Variants in EPHB2 observed in about 807,000 individuals in gnomAD.
EPHB2 encodes EPH receptor B2.
In EPHB2, 18 loss-of-function variants were observed where a neutral mutation model predicts 96.4. The observed-to-expected ratio is 0.19, with a 90% CI of 0.13 to 0.28. The LOEUF (loss-of-function observed/expected upper bound fraction) is 0.28. EPHB2 is among the 10% of genes least tolerant of loss of function. EPHB2 has a pLI of 1.00. For missense variants in EPHB2, 989 were observed against 1,355.4 expected, an observed-to-expected ratio of 0.73 and a Z score of 4.25; for synonymous variants, 506 against 534.1, an observed-to-expected ratio of 0.95 and a Z score of 0.72.
At chr1:22,842,784 C>T (rs1315091723) in intron 3 of EPHB2, among the ~76,000 whole-genome samples, 1 of 152,050 alleles carries the variant, frequency 6.6e-6, no homozygotes, top group Non-Finnish European at 1.5e-5. Context: ...TGAGGAAGAG[C>T]CTTTGTACAT....
chr1:22,877,910 G>C (rs888411177), intron 5 of EPHB2, among the ~76,000 whole-genome samples: 1 of 152,222 alleles, frequency 6.6e-6, no homozygotes, highest in Non-Finnish European at 1.5e-5. Context: ...GAATCTCAGT[G>C]GGGGGTGTTG....
intron 12 of EPHB2, 38 bp downstream of exon 12, chr1:22,908,206 A>G (rs1639978826): frequency 6.2e-7 from 1 of 1,611,290 alleles, no homozygotes; most frequent in Admixed American, 1.7e-5. Context: ...TCACAGAGCC[A>G]GAGAAGAGGG....
rs2124177751 is a variant in EPHB2, at chr1:22,918,997, A to G, written c.*5427A>G. 6.6e-6 allele frequency: 1 copy of G among 152,318 alleles called. No individual in the cohort carries two copies. The highest frequency in any genetic ancestry group is 6.5e-5 in the Admixed American group (1 of 15,298). The allele number at this position is 152,318 out of a possible 1,614,324, so 9.4% of individuals were successfully genotyped here. ...CCTGGGATTTCTCAAAATGTTTGCC[A>G]TCGCCCACCTGTATCAGAATCTCCT... On this transcript the variant is annotated 3_prime_UTR_variant, in exon 16 of 16. Coordinates refer to ENST00000374630, the MANE Select transcript of EPHB2 (RefSeq NM_017449.5). This position sits in a 1 kb window ranked among gnomAD's most constrained non-coding sequence, Gnocchi z 4.2.
At chr1:22,862,905 T>G in intron 3 of EPHB2, 132 bp from the exon 4 acceptor site, 207 of 1,207,742 alleles carry the variant, frequency 1.7e-4, no homozygotes, top group Middle Eastern at 2.7e-4. Flanking sequence ...CTTCAAGAGA[T>G]GAGATTTTCC....
At chr1:22,802,237 T>C (rs1216160661) in intron 3 of EPHB2, among the ~76,000 whole-genome samples, 2 of 152,132 alleles carry the variant, frequency 1.3e-5, no homozygotes, top group South Asian at 2.1e-4. Flanking sequence ...GGTTATTTGG[T>C]TCCCCATTTG....
chr1:22,747,445 T>C (rs1233618563), intron 1 of EPHB2, among the ~76,000 whole-genome samples: 1 of 152,218 alleles, frequency 6.6e-6, no homozygotes, highest in Non-Finnish European at 1.5e-5. Flanking sequence ...ACTAGGCTGT[T>C]CCAGAGATTC....
At chr1:22,816,731 A>C (rs1645080430) in intron 3 of EPHB2, among the ~76,000 whole-genome samples, 1 of 152,136 alleles carries the variant, frequency 6.6e-6, no homozygotes, top group Non-Finnish European at 1.5e-5. Flanking sequence ...CCTGACTCCC[A>C]GGGTGGTCAT....
At chr1:22,877,332 A>C (rs1638874488) in intron 5 of EPHB2, among the ~76,000 whole-genome samples, 1 of 152,208 alleles carries the variant, frequency 6.6e-6, no homozygotes, top group Non-Finnish European at 1.5e-5. Flanking sequence ...TAGGAGCATG[A>C]AGTGAGTTAA....
intron 1 of EPHB2, among the ~76,000 whole-genome samples, chr1:22,755,224 C>T (rs368820162): frequency 2.0e-5 from 3 of 152,046 alleles, no homozygotes; most frequent in East Asian, 3.9e-4. Context: ...CAGATGGCCC[C>T]GGTGAGAAAA....
intron 14 of EPHB2, among the ~76,000 whole-genome samples, chr1:22,911,150 AT>A (rs1189323316): frequency 0.024 from 3,518 of 149,268 alleles, 128 homozygotes; most frequent in African/African-American, 0.084. Context: ...AAAAAAATAA[AT>A]AAATAAATAA....
intron 5 of EPHB2, among the ~76,000 whole-genome samples, chr1:22,866,984 G>T (rs1203486003): frequency 1.3e-5 from 2 of 152,174 alleles, no homozygotes; most frequent in African/African-American, 4.8e-5. Flanking sequence ...TGGTTGAGGG[G>T]TGTTTCCATG....
intron 6 of EPHB2, among the ~76,000 whole-genome samples, chr1:22,889,834 A>AT (rs1407053273): frequency 2.0e-5 from 3 of 152,234 alleles, no homozygotes; most frequent in Non-Finnish European, 4.4e-5. Context: ...TTACATTTGA[A>AT]TTTTTTAAAA....
intron 3 of EPHB2, among the ~76,000 whole-genome samples, chr1:22,859,306 G>GT (rs1645755817): frequency 6.8e-6 from 1 of 146,762 alleles, no homozygotes; most frequent in African/African-American, 2.7e-5. Flanking sequence ...GTGGGGGGGG[G>GT]GGTATTGTAC....
At chr1:22,904,685 G>C (rs552630082) in intron 9 of EPHB2, among the ~76,000 whole-genome samples, 7 of 152,356 alleles carry the variant, frequency 4.6e-5, no homozygotes, top group African/African-American at 1.7e-4. Flanking sequence ...CAACTCTGCT[G>C]TCATAGCTTA....
chr1:22,869,939 C>T (rs1003563779), intron 5 of EPHB2, among the ~76,000 whole-genome samples: 7 of 152,154 alleles, frequency 4.6e-5, no homozygotes, highest in African/African-American at 1.7e-4. Flanking sequence ...GTTTTCCCGG[C>T]ACCTAGAGGG....
At chr1:22,731,652 A>G (rs147608490) in intron 1 of EPHB2, among the ~76,000 whole-genome samples, 1 of 152,176 alleles carries the variant, frequency 6.6e-6, no homozygotes, top group East Asian at 1.9e-4. Context: ...AGCCTGGCCA[A>G]CAGCCTGTCA....
At chr1:22,750,476 C>T (rs149535375) in intron 1 of EPHB2, among the ~76,000 whole-genome samples, 21 of 152,290 alleles carry the variant, frequency 1.4e-4, no homozygotes, top group African/African-American at 4.3e-4. Flanking sequence ...CAGGGGAACA[C>T]GGAAATGGCA....
chr1:22,740,120 C>T (rs1168982050), intron 1 of EPHB2, among the ~76,000 whole-genome samples: 4 of 152,192 alleles, frequency 2.6e-5, no homozygotes, highest in African/African-American at 9.7e-5. Flanking sequence ...TTGTACTCAA[C>T]CTGAGGTCCC....
intron 3 of EPHB2, among the ~76,000 whole-genome samples, chr1:22,796,037 T>C (rs550929613): frequency 6.6e-6 from 1 of 152,284 alleles, no homozygotes; most frequent in East Asian, 1.9e-4. Context: ...TCACTCCTGC[T>C]AAGGTGGAAG....
Sources: allele counts gnomAD v4.1 joint callset (sites outside exome capture counted in the v4.1 genomes callset), GRCh38; gene constraint gnomAD v4.1.1; non-coding constraint Gnocchi (gnomAD v3.1); transcripts MANE v1.5; gene names NCBI Gene and HGNC (gene_info 2026-07-23, HGNC 2026-07-21).